The following DDHD2 variants were observed in gnomAD, a reference collection of about 807,000 sequenced individuals.
DDHD2 encodes triacylglycerol hydrolase DDHD2.
DDHD2 carries 62 observed loss-of-function variants against 91.2 expected under a neutral mutation model. That is an observed-to-expected ratio of 0.68 (90% CI 0.55 to 0.84). DDHD2 has a LOEUF of 0.84. Ranked by LOEUF, DDHD2 falls within the 40% of genes least tolerant of loss-of-function variation. DDHD2 has a pLI of 0.00. For missense variants in DDHD2, 740 were observed against 846.9 expected (o/e 0.87, Z 1.57); for synonymous variants, 271 against 293.9 (o/e 0.92, Z 0.80).
At chr8:38,257,662 A>ATTTTT (rs35509320) in intron 16 of DDHD2, among the ~76,000 whole-genome samples, 4 of 109,386 alleles carry the variant, frequency 3.7e-5, no homozygotes, top group South Asian at 3.0e-4. Flanking sequence ...TTACCACAGT[A>ATTTTT]TTTTTTTTTT....
intron 6 of DDHD2, among the ~76,000 whole-genome samples, chr8:38,240,927 C>T (rs978128677): frequency 5.9e-5 from 9 of 152,000 alleles, no homozygotes; most frequent in Admixed American, 2.6e-4. Context: ...AAAAATTAGC[C>T]GGGCGCAGTG....
In DDHD2 at chr8:38,252,209, T is replaced by C; in HGVS notation, c.1539T>C (p.Leu513=). 1 of 1,614,208 alleles carries C rather than the reference T, an allele frequency of 6.2e-7. No individual in the cohort carries two copies. The highest frequency in any genetic ancestry group is 2.2e-5 in the East Asian group (1 of 44,880). ...FAFGSPIGMF[L]TVRGLKRIDP... is the part of the protein sequence containing the mutation. ...TTGGATCTCCCATTGGAATGTTCCT[T>C]ACTGTCCGAGGACTAAAAAGAATTG... Residue 513 remains leucine (L), a synonymous_variant, in exon 13 of 18, where the codon CTT becomes CTC. Coordinates refer to ENST00000397166, the MANE Select transcript of DDHD2 (RefSeq NM_015214.3).
chr8:38,234,526 A>T lies in DDHD2; in HGVS notation c.353A>T (p.Lys118Met). 1 of 1,613,022 alleles carries T rather than the reference A, an allele frequency of 6.2e-7. No homozygotes were observed. Among genetic ancestry groups the T allele is most frequent in the Non-Finnish European group, 8.5e-7 (1 of 1,179,848 alleles). Residue 118 changes from lysine to methionine, a missense_variant, in exon 3 of 18, where the codon AAG becomes ATG. Coordinates refer to ENST00000397166, the MANE Select transcript of DDHD2 (RefSeq NM_015214.3). ...SEVRRCTWFY[K>M]GDKDNKYVPY... is the part of the protein sequence containing the mutation. ...GTGAGACGATGTACGTGGTTTTACA[A>T]GGGGGACAAAGACAATAAGTATGTT...
intron 5 of DDHD2, among the ~76,000 whole-genome samples, chr8:38,239,677 ACT>A (rs1805089506): frequency 1.5e-5 from 2 of 137,388 alleles, no homozygotes; most frequent in South Asian, 2.5e-4. Flanking sequence ...ACAGAGCAAG[ACT>A]CTGTCACAAA....
rs1804426964 is a variant in DDHD2 at position 38,233,154 on chromosome 8, G to C, written c.160G>C (p.Glu54Gln). The C allele has an allele frequency of 4.3e-6, 7 of 1,614,126 alleles. No homozygotes were observed. In the East Asian group the frequency reaches 1.6e-4, roughly 36 times the overall value. ...WFYCKIIDSK[E>Q]TWIPFNSEDS... ...TTATTGTAAGATAATAGATTCTAAG[G>C]AGACATGGATTCCTTTCAACTCTGA... Residue 54 changes from glutamate to glutamine, a missense_variant, in exon 2 of 18, where the codon GAG becomes CAG. Around this residue, in one of 2 missense-constraint regions of DDHD2, gnomAD observed 693 missense variants for 764.2 expected, o/e 0.91. Coordinates refer to ENST00000397166, the MANE Select transcript of DDHD2 (RefSeq NM_015214.3).
chr8:38,243,484 C>T (rs1040400656), intron 7 of DDHD2, among the ~76,000 whole-genome samples: 4 of 152,054 alleles, frequency 2.6e-5, no homozygotes, highest in African/African-American at 7.2e-5. Context: ...ATTTTGTTCA[C>T]AGAAGTAGTA....
chr8:38,258,476 C>T lies in DDHD2; in HGVS notation c.2055-1564C>T, dbSNP rs576807718. Reference sequence around the variant, plus strand: ...CTATGTTGGCCAGGCTGGTCTCGAACGCCTGACCTCAGGTGATCTGCCTGC... The same window carrying T: ...CTATGTTGGCCAGGCTGGTCTCGAATGCCTGACCTCAGGTGATCTGCCTGC... On this transcript the variant is annotated intron_variant, in intron 16 of 17. Transcript: ENST00000397166. 1.4e-3 allele frequency among the ~76,000 whole-genome samples: 215 copies of T among 152,246 alleles called. 1 individual carries two copies. Among genetic ancestry groups the T allele is most frequent in the Non-Finnish European group, 2.4e-3 (160 of 68,024 alleles).
rs1805600339 is a variant in DDHD2 at position 38,245,903 on chromosome 8, G to C, written c.1010G>C (p.Arg337Thr). The change falls in exon 8 of 18, where the codon AGG (arginine) becomes ACG (threonine). Residue 337 changes from arginine (R) to threonine (T), a missense_variant. Physicochemically the swap from Arg to Thr is moderately conservative, Grantham distance 71. Transcript: ENST00000397166. Reference protein sequence around the residue: ...MNRIYTLFLQRNPDFKGGVSI... With the variant: ...MNRIYTLFLQTNPDFKGGVSI... ...CGAATATACACACTTTTTCTACAGAGGAACCCTGATTTCAAAGGGGGTGTA... is the reference window on the plus strand; with the variant it reads ...CGAATATACACACTTTTTCTACAGACGAACCCTGATTTCAAAGGGGGTGTA... 6.2e-7 allele frequency: 1 copy of C among 1,613,894 alleles called. No individual in the cohort carries two copies. The highest frequency in any genetic ancestry group is 1.3e-5 in the African/African-American group (1 of 74,892).
chr8:38,269,908 AAAG>A (rs1808379575), intron 1 of DDHD2: 1 of 152,248 alleles, frequency 6.6e-6, no homozygotes, highest in Non-Finnish European at 1.5e-5. Flanking sequence ...ACACATCAGT[AAAG>A]AAGCTTAAAT....
At chr8:38,249,561 C>A in intron 10 of DDHD2, 147 bp from the exon 11 acceptor site, 3 of 356,704 alleles carry the variant, frequency 8.4e-6, no homozygotes, top group Non-Finnish European at 1.6e-5. Context: ...ATGAATAAAA[C>A]AGGTCCTTTT....
rs1806867348 is a variant in DDHD2, at chr8:38,260,038, A to G, written c.2055-2A>G. 3 of 1,601,402 alleles carry G rather than the reference A, an allele frequency of 1.9e-6. No individual in the cohort carries two copies. The highest frequency in any genetic ancestry group is 2.6e-6 in the Non-Finnish European group (3 of 1,168,764). ...TCTCAACATAATTTTTTCTCTTTAT[A>G]GGGAGTCTGAAGATACAGTATTGCT... On this transcript the variant is annotated splice_acceptor_variant, in intron 16 of 17. Coordinates refer to ENST00000397166, the MANE Select transcript of DDHD2 (RefSeq NM_015214.3). LOFTEE classifies it high-confidence loss of function.
In DDHD2 at chr8:38,237,952, A is replaced by G. The variant is rs1804934790; in HGVS notation, c.502-137A>G. On this transcript the variant is annotated intron_variant, in intron 4 of 17. Coordinates refer to ENST00000397166, the MANE Select transcript of DDHD2 (RefSeq NM_015214.3). ...ATTTTCACGGTTCTCATTTCAAGCC[A>G]TACGAGTTGTATATCAAAACTCCAG... 1.1e-5 allele frequency: 9 copies of G among 808,088 alleles called. No homozygotes were observed. In the African/African-American group the frequency reaches 1.2e-4, roughly 11 times the overall value. The allele number at this position is 808,088 out of a possible 1,614,324, so 50.1% of individuals were successfully genotyped here. A position where few individuals can be genotyped will look rare whatever the true frequency, so the allele number is the denominator to read the frequency against.
At chr8:38,259,445 G>A (rs1806798866) in intron 16 of DDHD2, among the ~76,000 whole-genome samples, 1 of 151,262 alleles carries the variant, frequency 6.6e-6, no homozygotes. Flanking sequence ...GAGTGCAGTG[G>A]TGCAATCTCG....
At chr8:38,264,000 G>C, downstream of DDHD2, 1 of 986,028 alleles carries the variant, frequency 1.0e-6, no homozygotes, top group East Asian at 1.1e-4. Flanking sequence ...ATGAGCAGGG[G>C]CAAAAGTGTG....
At chr8:38,249,923 C>A in intron 11 of DDHD2, 120 bp downstream of exon 11, 1 of 595,446 alleles carries the variant, frequency 1.7e-6, no homozygotes, top group Non-Finnish European at 2.9e-6. Context: ...TGATCTTTGG[C>A]TCTTTTTTTT....
downstream of DDHD2, chr8:38,263,502 C>G: frequency 1.0e-6 from 1 of 985,438 alleles, no homozygotes; most frequent in Non-Finnish European, 1.2e-6. Flanking sequence ...AACCACACTC[C>G]TGACCATTTT....
At chr8:38,269,793 C>T (rs1227156443) in intron 1 of DDHD2, 1 of 152,182 alleles carries the variant, frequency 6.6e-6, no homozygotes, top group African/African-American at 2.4e-5. Context: ...CAAATTAATC[C>T]TCACGGAAGC....
intron 7 of DDHD2, among the ~76,000 whole-genome samples, chr8:38,244,137 G>A (rs1188439665): frequency 1.3e-5 from 2 of 151,938 alleles, no homozygotes; most frequent in Non-Finnish European, 2.9e-5. Context: ...TTGTAGAGAT[G>A]GGCTTTTACC....
At chr8:38,244,323 C>T (rs1412483404) in intron 7 of DDHD2, among the ~76,000 whole-genome samples, 3 of 151,896 alleles carry the variant, frequency 2.0e-5, no homozygotes, top group Admixed American at 2.0e-4. Flanking sequence ...AGTGCAGTGG[C>T]ACGGTCTCGG....
Sources: gnomAD v4.1 joint callset for allele counts (sites outside exome capture counted in the v4.1 genomes callset) on GRCh38, gnomAD v4.1.1 for gene constraint, gnomAD v4.1.1 regional missense constraint, MANE v1.5 for transcripts, NCBI Gene and HGNC (gene_info 2026-07-23, HGNC 2026-07-21) for gene names.